The following DDHD1 variants were observed in gnomAD, a reference collection of about 807,000 sequenced individuals.
The protein encoded by DDHD1 is phospholipase DDHD1.
A neutral mutation model predicts 96.4 loss-of-function variants in DDHD1; 49 were observed. The ratio of observed to expected loss-of-function variants is 0.51; its 90% CI spans 0.40 to 0.64. The LOEUF (loss-of-function observed/expected upper bound fraction) is 0.64. DDHD1 is among the 30% of genes least tolerant of loss of function. The pLI is 0.00. For synonymous variants in DDHD1, 442 were observed against 446.5 expected (o/e 0.99, Z 0.13); for missense variants, 1,106 against 1,161.2 (o/e 0.95, Z 0.69).
intron 1 of DDHD1, among the ~76,000 whole-genome samples, 188 bp from the exon 2 acceptor site, chr14:53,104,044 G>A (rs191710849): frequency 2.9e-3 from 434 of 152,188 alleles, no homozygotes; most frequent in African/African-American, 9.9e-3. Flanking sequence ...TGTTGCCCAG[G>A]ATAGAGTGCA....
intron 9 of DDHD1, among the ~76,000 whole-genome samples, chr14:53,057,230 T>C (rs1389894680): frequency 1.3e-5 from 2 of 152,202 alleles, no homozygotes; most frequent in Admixed American, 6.5e-5. Context: ...TTTAAAAGAC[T>C]TTCCACAATT....
intron 2 of DDHD1, among the ~76,000 whole-genome samples, chr14:53,097,335 T>C (rs1481500497): frequency 6.6e-6 from 1 of 151,970 alleles, no homozygotes; most frequent in Non-Finnish European, 1.5e-5. Context: ...CAAGACACAA[T>C]AACTATATCT....
intron 9 of DDHD1, among the ~76,000 whole-genome samples, chr14:53,056,371 G>C (rs1883056808): frequency 6.6e-6 from 1 of 152,208 alleles, no homozygotes; most frequent in Non-Finnish European, 1.5e-5. Flanking sequence ...GTAGCAATGA[G>C]ACAGCAGAAA....
intron 6 of DDHD1, among the ~76,000 whole-genome samples, chr14:53,063,673 A>G (rs1399508358): frequency 6.6e-6 from 1 of 152,104 alleles, no homozygotes; most frequent in Admixed American, 6.5e-5. Flanking sequence ...ATTATAAATT[A>G]TTGTGCATTT....
At chr14:53,152,113 G>GAGAGA in intron 1 of DDHD1, 148 bp downstream of exon 1, 5 of 833,728 alleles carry the variant, frequency 6.0e-6, no homozygotes, top group Admixed American at 3.2e-5. Flanking sequence ...AGCTGCCGAC[G>GAGAGA]CTCCCTGCTC....
rs1162469704 is a variant in DDHD1 at position 53,039,645 on chromosome 14, C to T, written c.*7123G>A. On this transcript the variant is annotated 3_prime_UTR_variant, in exon 13 of 13. Coordinates refer to ENST00000673822, the MANE Select transcript of DDHD1 (RefSeq NM_001160148.2). ...GGTAGCCAGTACAATAACTAAAATG[C>T]AAGCATTTAAAGGCAAATGGAATGT... 1 of 152,246 alleles carries T rather than the reference C, an allele frequency of 6.6e-6. No homozygotes were observed. Among genetic ancestry groups the T allele is most frequent in the Admixed American group, 6.5e-5 (1 of 15,278 alleles). The allele number at this position is 152,246 out of a possible 1,614,324, so 9.4% of individuals were successfully genotyped here.
intron 1 of DDHD1, among the ~76,000 whole-genome samples, chr14:53,123,669 G>A (rs893726906): frequency 2.0e-5 from 3 of 152,134 alleles, no homozygotes; most frequent in African/African-American, 7.2e-5. Flanking sequence ...CAAACAGAAT[G>A]AGACTGTTTA....
intron 1 of DDHD1, among the ~76,000 whole-genome samples, chr14:53,151,289 A>T (rs1238397598): frequency 2.0e-5 from 3 of 152,228 alleles, no homozygotes; most frequent in African/African-American, 7.2e-5. Flanking sequence ...AAGTTAGGGC[A>T]TTGGGCCCAC....
chr14:53,122,717 C>T (rs1232500570), intron 1 of DDHD1, among the ~76,000 whole-genome samples: 1 of 151,602 alleles, frequency 6.6e-6, no homozygotes, highest in East Asian at 2.0e-4. Flanking sequence ...TGCCACCATG[C>T]CTGGCTAATT....
Position 53,123,925 on chromosome 14 carries a change from AT to A in DDHD1, c.839-20070del, listed in dbSNP as rs1889216339. 2.6e-5 allele frequency among the ~76,000 whole-genome samples: 4 copies of A among 152,248 alleles called. No individual in the cohort carries two copies. The South Asian group carries it at 8.3e-4, about 32-fold the overall frequency. Reference sequence around the variant, plus strand: ...AAAATAATAAGCTGACAATACTCAGATGGGTGATAAAAATATATTAAGTTGG... The same window carrying A: ...AAAATAATAAGCTGACAATACTCAGAGGGTGATAAAAATATATTAAGTTGG... On this transcript the variant is annotated intron_variant, in intron 1 of 12. Coordinates refer to ENST00000673822, the MANE Select transcript of DDHD1 (RefSeq NM_001160148.2).
At chr14:53,053,956 A>G (rs1439965350) in intron 11 of DDHD1, 1 of 152,664 alleles carries the variant, frequency 6.6e-6, no homozygotes, top group African/African-American at 2.4e-5. Flanking sequence ...TACACTAGGT[A>G]GCTGGGATAG....
At chr14:53,066,192 C>A (rs1883995164) in intron 6 of DDHD1, among the ~76,000 whole-genome samples, 1 of 152,096 alleles carries the variant, frequency 6.6e-6, no homozygotes. Flanking sequence ...CGTTCTGTTG[C>A]CCAGGCTGGA....
chr14:53,138,484 G>A (rs1218262927), intron 1 of DDHD1, among the ~76,000 whole-genome samples: 2 of 152,140 alleles, frequency 1.3e-5, no homozygotes, highest in Non-Finnish European at 2.9e-5. Context: ...ATTGTATTTT[G>A]GTGTTTATAA....
At chr14:53,084,622 G>GT (rs375676167) in intron 4 of DDHD1, among the ~76,000 whole-genome samples, 1 of 152,194 alleles carries the variant, frequency 6.6e-6, no homozygotes, top group Non-Finnish European at 1.5e-5. Context: ...ATGTGACAAG[G>GT]TTTTTTCTTT....
intron 1 of DDHD1, among the ~76,000 whole-genome samples, chr14:53,136,673 TAA>T (rs1890262648): frequency 6.6e-6 from 1 of 152,168 alleles, no homozygotes; most frequent in Non-Finnish European, 1.5e-5. Context: ...AGTCAGAATA[TAA>T]AAACCTAATC....
chr14:53,055,518 T>C, intron 10 of DDHD1, 142 bp downstream of exon 10: 2 of 799,548 alleles, frequency 2.5e-6, no homozygotes, highest in Non-Finnish European at 3.9e-6. Flanking sequence ...GCCTCAAATA[T>C]GAACATTGGG....
At chr14:53,084,969 T>C (rs1369231191) in intron 4 of DDHD1, among the ~76,000 whole-genome samples, 1 of 152,260 alleles carries the variant, frequency 6.6e-6, no homozygotes, top group African/African-American at 2.4e-5. Context: ...CACCAGATTA[T>C]ATCCCGCGCC....
intron 4 of DDHD1, among the ~76,000 whole-genome samples, chr14:53,090,083 C>G (rs934906120): frequency 1.3e-5 from 2 of 152,146 alleles, no homozygotes; most frequent in Non-Finnish European, 2.9e-5. Flanking sequence ...AGACACTTCT[C>G]AAAAGAAGAC....
chr14:53,108,629 C>A (rs1469045870), intron 1 of DDHD1, among the ~76,000 whole-genome samples: 1 of 152,216 alleles, frequency 6.6e-6, no homozygotes, highest in East Asian at 1.9e-4. Flanking sequence ...TATTTTTGGA[C>A]TCTAGTTGAC....
Sources: gnomAD v4.1 joint callset for allele counts (sites outside exome capture counted in the v4.1 genomes callset) on GRCh38, gnomAD v4.1.1 for gene constraint, MANE v1.5 for transcripts, NCBI Gene and HGNC (gene_info 2026-07-23, HGNC 2026-07-21) for gene names.